Variants in NAV3 observed in about 807,000 individuals in gnomAD.
The protein encoded by NAV3 is pore membrane and/or filament interacting like protein 1.
Under a neutral mutation model 244.7 loss-of-function variants are expected in NAV3, and 87 were observed. The ratio of observed to expected loss-of-function variants is 0.36; its 90% confidence interval spans 0.30 to 0.42. NAV3 has a LOEUF of 0.42. NAV3 is among the 20% of genes least tolerant of loss of function. The pLI is 1.00. For missense variants in NAV3, 2,663 were observed against 2,893.3 expected (o/e 0.92, Z 1.83); for synonymous variants, 1,126 against 1,042.2 (o/e 1.08, Z -1.55).
chr12:77,835,712 A>G (rs1467966561), intron 1 of NAV3, among the ~76,000 whole-genome samples: 1 of 152,206 alleles, frequency 6.6e-6, no homozygotes, highest in African/African-American at 2.4e-5. Flanking sequence ...CCAAATTGGT[A>G]TCGTCTCCTC....
At chr12:78,155,775 A>G (rs1163694861) in intron 22 of NAV3, among the ~76,000 whole-genome samples, 2 of 151,914 alleles carry the variant, frequency 1.3e-5, no homozygotes, top group African/African-American at 4.8e-5. Flanking sequence ...TGTTGGCTGC[A>G]TGACTGTCTT....
intron 2 of NAV3, among the ~76,000 whole-genome samples, chr12:77,646,950 AC>A (rs1428269092): frequency 6.6e-6 from 1 of 151,956 alleles, no homozygotes; most frequent in East Asian, 1.9e-4. Context: ...CTGATACTTG[AC>A]TTTTACAGTT....
At chr12:77,877,168 A>G (rs1430417809) in intron 1 of NAV3, among the ~76,000 whole-genome samples, 1 of 152,124 alleles carries the variant, frequency 6.6e-6, no homozygotes, top group Admixed American at 6.6e-5. Flanking sequence ...GGCTGTAAAA[A>G]GTTCAAAAAT....
At chr12:77,763,327 T>C (rs910950968) in intron 2 of NAV3, among the ~76,000 whole-genome samples, 3 of 152,202 alleles carry the variant, frequency 2.0e-5, no homozygotes, top group Non-Finnish European at 4.4e-5. Context: ...TAGGTAAATA[T>C]GGTCATCACC....
intron 1 of NAV3, among the ~76,000 whole-genome samples, chr12:77,886,717 G>A (rs1234589873): frequency 1.3e-5 from 2 of 151,956 alleles, no homozygotes; most frequent in Non-Finnish European, 2.9e-5. Flanking sequence ...TTCTGGACTT[G>A]GATATGCTTT....
At chr12:77,776,404 G>T (rs762211651) in intron 2 of NAV3, among the ~76,000 whole-genome samples, 12 of 152,166 alleles carry the variant, frequency 7.9e-5, no homozygotes, top group Non-Finnish European at 4.4e-5. Flanking sequence ...AATTGAGAAC[G>T]TAACGAAGGC....
At chr12:78,037,167 T>G (rs1187108645) in intron 9 of NAV3, 2 of 702,930 alleles carry the variant, frequency 2.8e-6, no homozygotes, top group Non-Finnish European at 5.2e-6. Flanking sequence ...CAGTGAAGAC[T>G]TAGAGGAATT....
chr12:78,189,974 C>T lies in NAV3; in HGVS notation c.6056-10C>T, dbSNP rs887737527. On this transcript the variant is annotated splice_polypyrimidine_tract_variant and intron_variant, in intron 33 of 39. Coordinates refer to ENST00000397909, the MANE Select transcript of NAV3 (RefSeq NM_001024383.2). ...AATAAATCATGCTATTTTTTTGTTT[C>T]TTCTTTCAGGGGTAGAAGAAAATAG... is the stretch of plus-strand genomic sequence containing the variant. The T allele has an allele frequency of 3.6e-5, 58 of 1,596,344 alleles. No homozygotes were observed. In the Admixed American group the frequency reaches 4.5e-4, roughly 12 times the overall value.
At position 77,724,996 on chromosome 12, in the gene NAV3, T is replaced by G. The variant is rs1299453917; in HGVS notation, c.72+152730T>G. Among the ~76,000 whole-genome samples, 3 of 152,152 alleles carry G rather than the reference T, an allele frequency of 2.0e-5. No individual in the cohort carries two copies. The East Asian group carries it at 5.8e-4, about 29-fold the overall frequency. On this transcript the variant is annotated intron_variant, in intron 2 of 8. Transcript: ENST00000550042. ...TGAGTACATTTTATAATCTTGTCAG[T>G]AAATTCACTAACCTTAAAAGGTTTA... is the stretch of plus-strand genomic sequence containing the variant.
Position 78,205,001 on chromosome 12 carries a change from T to A in NAV3, c.6901T>A (p.Ser2301Thr). 1 of 1,613,556 alleles carries A rather than the reference T, an allele frequency of 6.2e-7. No individual in the cohort carries two copies. The highest frequency in any genetic ancestry group is 1.1e-5 in the South Asian group (1 of 91,074). Reference sequence around the variant, plus strand: ...GGTGCTTGACACATATCCATGGAGCTCAGCAACTCTGCCTCAGGAGAGCCC... The same window carrying A: ...GGTGCTTGACACATATCCATGGAGCACAGCAACTCTGCCTCAGGAGAGCCC... ...KWVLDTYPWS[S>T]ATLPQESPAL... The change falls in exon 39 of 40, where the codon TCA (serine) becomes ACA (threonine). Residue 2301 changes from serine (S) to threonine (T), a missense_variant. Around this residue, in one of 6 missense-constraint regions of NAV3, gnomAD observed 543 missense variants for 672.4 expected, o/e 0.81. Transcript: ENST00000397909.
chr12:78,182,146 A>G (rs1487565799), intron 30 of NAV3, among the ~76,000 whole-genome samples: 1 of 152,110 alleles, frequency 6.6e-6, no homozygotes, highest in Admixed American at 6.6e-5. Flanking sequence ...TCAGAATTAA[A>G]TGAACTTATA....
chr12:77,671,412 A>G (rs1261889965), intron 2 of NAV3, among the ~76,000 whole-genome samples: 1 of 152,104 alleles, frequency 6.6e-6, no homozygotes, highest in Admixed American at 6.6e-5. Flanking sequence ...GAAAAAAATG[A>G]TCCTAAAATT....
At chr12:78,026,487 T>G (rs78992706) in intron 9 of NAV3, among the ~76,000 whole-genome samples, 12,427 of 152,248 alleles carry the variant, frequency 0.082, 715 homozygotes, top group Non-Finnish European at 0.13. Context: ...TGTCCTGATA[T>G]TCTATTCATT....
chr12:77,741,467 T>C (rs1404638992), intron 2 of NAV3, among the ~76,000 whole-genome samples: 2 of 152,106 alleles, frequency 1.3e-5, no homozygotes, highest in Non-Finnish European at 2.9e-5. Flanking sequence ...TTTTCTGTTT[T>C]TGTATTTGAT....
chr12:77,659,509 T>G (rs367865401), intron 2 of NAV3, among the ~76,000 whole-genome samples: 15 of 152,148 alleles, frequency 9.9e-5, no homozygotes, highest in South Asian at 4.2e-4. Context: ...TACACTGTTG[T>G]TGGGACTGTA....
intron 2 of NAV3, among the ~76,000 whole-genome samples, chr12:77,753,464 G>A (rs532391859): frequency 1.3e-5 from 2 of 152,242 alleles, no homozygotes; most frequent in East Asian, 3.9e-4. Context: ...CCTTCATCCC[G>A]AAATCTAATG....
intron 12 of NAV3, among the ~76,000 whole-genome samples, chr12:78,077,718 A>AC (rs2137759213): frequency 6.6e-6 from 1 of 152,270 alleles, no homozygotes; most frequent in Non-Finnish European, 1.5e-5. Context: ...CGGGTAGATC[A>AC]CCTGAGGTCA....
At chr12:77,741,764 T>C (rs1018283703) in intron 2 of NAV3, among the ~76,000 whole-genome samples, 1 of 152,170 alleles carries the variant, frequency 6.6e-6, no homozygotes, top group Non-Finnish European at 1.5e-5. Flanking sequence ...TTCTTAGGAA[T>C]GTAGTTTTAC....
At chr12:77,766,753 T>TTTTTTTTTTTG in intron 2 of NAV3, among the ~76,000 whole-genome samples, 1 of 121,156 alleles carries the variant, frequency 8.3e-6, no homozygotes, top group Non-Finnish European at 1.7e-5. Context: ...TTTTTTTTTT[T>TTTTTTTTTTTG]TTTTTTTTTT....
Sources: gnomAD v4.1 joint callset for allele counts (sites outside exome capture counted in the v4.1 genomes callset) on GRCh38, gnomAD v4.1.1 for gene constraint, gnomAD v4.1.1 regional missense constraint, MANE v1.5 for transcripts, NCBI Gene and HGNC (gene_info 2026-07-23, HGNC 2026-07-21) for gene names.